The following PAPSS1 variants were observed in gnomAD, a reference collection of about 807,000 sequenced individuals.
PAPSS1 encodes 3'-phosphoadenosine 5'-phosphosulfate synthase 1, also known as bifunctional 3'-phosphoadenosine 5'-phosphosulfate synthase 1.
In PAPSS1, 50 loss-of-function variants were observed where a neutral mutation model predicts 72.0. The ratio of observed to expected loss-of-function variants is 0.69; its 90% CI spans 0.55 to 0.88. The LOEUF (loss-of-function observed/expected upper bound fraction) is 0.88, where lower values mean the gene tolerates loss of function less well. Ranked by LOEUF, PAPSS1 falls within the 40% of genes least tolerant of loss-of-function variation. The pLI, the probability that PAPSS1 is intolerant of heterozygous loss-of-function variation, is 0.00. For missense variants in PAPSS1, 657 were observed against 782.2 expected (o/e 0.84, Z 1.91); for synonymous variants, 261 against 263.6 (o/e 0.99, Z 0.09).
At chr4:107,695,317 G>A (rs572203977) in intron 2 of PAPSS1, among the ~76,000 whole-genome samples, 3 of 152,228 alleles carry the variant, frequency 2.0e-5, no homozygotes, top group Non-Finnish European at 4.4e-5. Context: ...GTAGAAGAAT[G>A]CTTGATTTTT....
intron 1 of PAPSS1, among the ~76,000 whole-genome samples, chr4:107,705,046 T>C (rs941100708): frequency 6.6e-6 from 1 of 152,188 alleles, no homozygotes; most frequent in African/African-American, 2.4e-5. Context: ...TAATGTGCTA[T>C]ATAATTCAGT....
At chr4:107,621,608 C>CTTGTTTTTTTTTTTTTTTTTT (rs1725956182) in intron 11 of PAPSS1, among the ~76,000 whole-genome samples, 1 of 48,148 alleles carries the variant, frequency 2.1e-5, no homozygotes, top group African/African-American at 7.6e-5. Context: ...GGTTTTTTAT[C>CTTGTTTTTTTTTTTTTTTTTT]TTTTTTTTTT....
chr4:107,711,418 C>T (rs2125941778), intron 1 of PAPSS1, among the ~76,000 whole-genome samples: 2 of 152,266 alleles, frequency 1.3e-5, no homozygotes, highest in South Asian at 4.1e-4. Flanking sequence ...TATCCACTTG[C>T]CTGTAAGGAA....
chr4:107,714,570 GA>G (rs557492180), intron 1 of PAPSS1, among the ~76,000 whole-genome samples: 7 of 152,080 alleles, frequency 4.6e-5, no homozygotes, highest in Admixed American at 3.9e-4. Flanking sequence ...GCTGATGGGG[GA>G]AAAAAATGCC....
intron 9 of PAPSS1, among the ~76,000 whole-genome samples, chr4:107,653,182 TTA>T (rs1726902412): frequency 6.6e-6 from 1 of 151,854 alleles, no homozygotes; most frequent in Non-Finnish European, 1.5e-5. Flanking sequence ...TAAAGCATAT[TTA>T]TATGAGTGAA....
At chr4:107,616,087 AG>A (rs1300038487) in intron 11 of PAPSS1, among the ~76,000 whole-genome samples, 2 of 149,696 alleles carry the variant, frequency 1.3e-5, no homozygotes, top group East Asian at 4.0e-4. Context: ...AAATAGAGAG[AG>A]AGAGAGAGAG....
rs986117467 is a variant in PAPSS1, at chr4:107,644,889, A to T, written c.1419T>A (p.Ala473=). The change falls in exon 10 of 12, where the codon GCT becomes GCA. Residue 473 remains alanine (A), a synonymous_variant. Coordinates refer to ENST00000265174, the MANE Select transcript of PAPSS1 (RefSeq NM_005443.5). ...VPLMWRMKQH[A]AVLEEGVLNP... ...TCAGAACTCCTTCCTCCAACACTGC[A>T]GCATGCTGCTTCATACGCCACATCA... is the stretch of plus-strand genomic sequence containing the variant. The T allele has an allele frequency of 2.5e-6, 4 of 1,613,930 alleles. No homozygotes were observed. The highest frequency in any genetic ancestry group is 3.4e-6 in the Non-Finnish European group (4 of 1,179,932).
At chr4:107,651,200 C>G (rs985664362) in intron 9 of PAPSS1, among the ~76,000 whole-genome samples, 1 of 152,008 alleles carries the variant, frequency 6.6e-6, no homozygotes, top group African/African-American at 2.4e-5. Context: ...ACTCAAAAAC[C>G]CTAAAGAAGC....
rs1459857145 is a variant in PAPSS1 at position 107,720,131 on chromosome 4, C to T, written c.49G>A (p.Ala17Thr). 1.9e-6 allele frequency: 3 copies of T among 1,606,450 alleles called. No individual in the cohort carries two copies. The highest frequency in any genetic ancestry group is 2.5e-6 in the Non-Finnish European group (3 of 1,176,788). The change falls in exon 1 of 12, where the codon GCG becomes ACG. Residue 17 changes from alanine (A) to threonine (T), a missense_variant. By Grantham distance (58) the Ala-to-Thr change is moderately conservative. This residue lies in a region of PAPSS1 where 48 missense variants were observed against 31.9 expected (regional missense o/e 1.51). Coordinates refer to ENST00000265174, the MANE Select transcript of PAPSS1 (RefSeq NM_005443.5). ...LCKKVKLSNN[A>T]QNWGMQRATN... ...CGTCCCCAGCTTACCCAGTTCTGCG[C>T]GTTATTGCTCAGTTTGACTTTCTTG...
chr4:107,621,608 C>CTTTTTTTTATTTTTTTTTTTTT (rs1725956730), intron 11 of PAPSS1, among the ~76,000 whole-genome samples: 1 of 48,148 alleles, frequency 2.1e-5, no homozygotes, highest in South Asian at 9.5e-4. Flanking sequence ...GGTTTTTTAT[C>CTTTTTTTTATTTTTTTTTTTTT]TTTTTTTTTT....
intron 3 of PAPSS1, among the ~76,000 whole-genome samples, chr4:107,691,136 C>T (rs6814431): frequency 0.039 from 5,956 of 151,582 alleles, 393 homozygotes; most frequent in African/African-American, 0.14. Context: ...AAATAATACT[C>T]AATCTAACAC....
rs547409451 is a variant in PAPSS1 at position 107,645,450 on chromosome 4, G to A, written c.1238-380C>T. On this transcript the variant is annotated intron_variant, in intron 9 of 11. Transcript: ENST00000265174. ...TGGTCTGTGCCTCAGTTACCCACCA[G>A]ATCAATCCCTCCAAACGACCTAATA... Among the ~76,000 whole-genome samples the A allele has an allele frequency of 2.6e-5, 4 of 152,274 alleles. No homozygotes were observed. The East Asian group carries it at 7.7e-4, about 29-fold the overall frequency.
At chr4:107,688,322 T>C (rs1722839829) in intron 3 of PAPSS1, among the ~76,000 whole-genome samples, 2 of 152,166 alleles carry the variant, frequency 1.3e-5, no homozygotes, top group Admixed American at 1.3e-4. Context: ...AGCACGCTTA[T>C]AGTCCCAGCT....
chr4:107,640,837 T>TA (rs1726519138), intron 10 of PAPSS1, among the ~76,000 whole-genome samples: 1 of 152,182 alleles, frequency 6.6e-6, no homozygotes, highest in South Asian at 2.1e-4. Context: ...CCACATCTCT[T>TA]ACGCTCACAA....
At chr4:107,649,044 G>T (rs924220213) in intron 9 of PAPSS1, among the ~76,000 whole-genome samples, 5 of 152,172 alleles carry the variant, frequency 3.3e-5, no homozygotes, top group African/African-American at 1.2e-4. Context: ...ATTAAAGTAA[G>T]ATGTTGACTA....
At chr4:107,710,382 T>G (rs1189316967) in intron 1 of PAPSS1, among the ~76,000 whole-genome samples, 1 of 152,228 alleles carries the variant, frequency 6.6e-6, no homozygotes, top group Non-Finnish European at 1.5e-5. Context: ...TAACATTTAC[T>G]GCCCATATCA....
chr4:107,670,758 G>C (rs541302937), intron 5 of PAPSS1, among the ~76,000 whole-genome samples: 1 of 152,094 alleles, frequency 6.6e-6, no homozygotes, highest in African/African-American at 2.4e-5. Context: ...GGCTGGTCTT[G>C]AACTCCTGGC....
intron 10 of PAPSS1, among the ~76,000 whole-genome samples, chr4:107,642,487 C>T (rs1173237070): frequency 6.6e-6 from 1 of 152,090 alleles, no homozygotes; most frequent in East Asian, 1.9e-4. Context: ...AGTTATAAAA[C>T]CTAACATAAA....
intron 4 of PAPSS1, among the ~76,000 whole-genome samples, chr4:107,685,888 A>G (rs930218608): frequency 6.6e-6 from 1 of 152,240 alleles, no homozygotes; most frequent in Non-Finnish European, 1.5e-5. Context: ...TGACAGTCTC[A>G]GGTTATCACA....
Sources: allele counts gnomAD v4.1 joint callset (sites outside exome capture counted in the v4.1 genomes callset), GRCh38; gene constraint gnomAD v4.1.1; regional missense constraint gnomAD v4.1.1; transcripts MANE v1.5; gene names NCBI Gene and HGNC (gene_info 2026-07-23, HGNC 2026-07-21).